The following CDKL4 variants were observed in gnomAD, a reference collection of about 807,000 sequenced individuals.
CDKL4 encodes cyclin-dependent kinase-like 4.
Under a neutral mutation model 42.0 loss-of-function variants are expected in CDKL4, and 44 were observed. The observed-to-expected ratio is 1.05, with a 90% CI of 0.82 to 1.35. The LOEUF (loss-of-function observed/expected upper bound fraction) is 1.35, where lower values mean the gene tolerates loss of function less well. Among genes scored for constraint, CDKL4 ranks in the 40% most tolerant of loss-of-function variants. The probability of loss-of-function intolerance (pLI) is 0.00; values close to 1 mark genes in which losing one functional copy is unlikely to be tolerated. For synonymous variants in CDKL4, 120 were observed against 121.6 expected, an observed-to-expected ratio of 0.99 and a Z score of 0.09; for missense variants, 393 against 369.9, an observed-to-expected ratio of 1.06 and a Z score of -0.51.
At chr2:39,177,855 A>C (rs1675233446) in intron 9 of CDKL4, among the ~76,000 whole-genome samples, 2 of 150,858 alleles carry the variant, frequency 1.3e-5, no homozygotes. Flanking sequence ...CACCCGGCTA[A>C]TTTTTGTATT....
chr2:39,239,050 C>T (rs1220558397), intron 1 of CDKL4, among the ~76,000 whole-genome samples: 1 of 152,196 alleles, frequency 6.6e-6, no homozygotes, highest in Non-Finnish European at 1.5e-5. Context: ...CTGCGCCTGG[C>T]CCAACTGACT....
chr2:39,215,696 TTA>T (rs887932280), intron 3 of CDKL4, among the ~76,000 whole-genome samples: 6 of 152,190 alleles, frequency 3.9e-5, no homozygotes, highest in Non-Finnish European at 8.8e-5. Flanking sequence ...CATGACTCAG[TTA>T]TGACACTAGC....
chr2:39,208,346 C>CTT (rs113655991), intron 4 of CDKL4, among the ~76,000 whole-genome samples: 9 of 144,556 alleles, frequency 6.2e-5, no homozygotes, highest in African/African-American at 1.5e-4. Context: ...TTATACACAG[C>CTT]TTTTTTTTTT....
At chr2:39,217,081 C>T (rs1026185558) in intron 3 of CDKL4, among the ~76,000 whole-genome samples, 13 of 152,278 alleles carry the variant, frequency 8.5e-5, no homozygotes, top group East Asian at 3.9e-4. Flanking sequence ...TACACATCGA[C>T]GCGGCGCCCA....
intron 5 of CDKL4, among the ~76,000 whole-genome samples, chr2:39,200,017 G>T (rs534865416): frequency 6.6e-6 from 1 of 152,178 alleles, no homozygotes; most frequent in East Asian, 1.9e-4. Flanking sequence ...AAAATAAAGG[G>T]CATCTAAATT....
chr2:39,211,845 G>A (rs1677603737), intron 4 of CDKL4, among the ~76,000 whole-genome samples: 1 of 152,120 alleles, frequency 6.6e-6, no homozygotes, highest in African/African-American at 2.4e-5. Context: ...AGTGGGACAA[G>A]TGGATGCTAT....
rs1157473639 is a variant in CDKL4 at position 39,229,347 on chromosome 2, T to C, written c.168+18A>G. ...ACTCAATTCCATGATATTTTACATATATATAAAGTTAACTTACCTTCAACA... is the reference window on the plus strand; with the variant it reads ...ACTCAATTCCATGATATTTTACATACATATAAAGTTAACTTACCTTCAACA... On this transcript the variant is annotated intron_variant, in intron 2 of 9. Coordinates refer to ENST00000451199, the Ensembl canonical transcript of CDKL4. The C allele has an allele frequency of 1.3e-6, 2 of 1,494,122 alleles. No individual in the cohort carries two copies. The highest frequency in any genetic ancestry group is 1.8e-6 in the Non-Finnish European group (2 of 1,097,634). 92.6% of individuals were successfully genotyped at this position (1,494,122 alleles called of 1,614,324 possible).
chr2:39,184,714 G>T, intron 7 of CDKL4, 67 bp from the exon 8 acceptor site: 1 of 1,029,110 alleles, frequency 9.7e-7, no homozygotes, highest in Non-Finnish European at 1.5e-6. Context: ...GTATATATGT[G>T]CGTATGTATG....
the CDKL4 span, among the ~76,000 whole-genome samples, chr2:39,169,103 T>C: frequency 3.9e-5 from 6 of 152,310 alleles, no homozygotes; most frequent in African/African-American, 1.2e-4. Flanking sequence ...GATATATCTG[T>C]AAAATTTAAT....
intron 2 of CDKL4, 148 bp downstream of exon 2, chr2:39,229,217 A>G (rs554775197): frequency 3.3e-6 from 2 of 612,484 alleles, no homozygotes. Flanking sequence ...CCGAAGTCCA[A>G]AGTGATAATC....
chr2:39,198,818 CTGGGATACAGCA>C (rs1572969912), intron 5 of CDKL4, among the ~76,000 whole-genome samples: 1 of 152,080 alleles, frequency 6.6e-6, no homozygotes, highest in African/African-American at 2.4e-5. Flanking sequence ...ATCAAAACCT[CTGGGATACAGCA>C]AAGGCAATGC....
At position 39,185,394 on chromosome 2, in the gene CDKL4, ATATACATATGTG is replaced by A. The variant is rs1675741354; in HGVS notation, c.736-759_736-748del. ...TATACATATGTATATATACATGTAT[ATATACATATGTG>A]TATATATACATATATATATACATAT... On this transcript the variant is annotated intron_variant, in intron 7 of 9. Transcript: ENST00000451199. Among the ~76,000 whole-genome samples the A allele has an allele frequency of 2.4e-5, 2 of 85,042 alleles. 1 individual carries two copies. The highest frequency in any genetic ancestry group is 4.4e-5 in the Non-Finnish European group (2 of 45,620). The allele number at this position is 85,042 out of a possible 152,430, so 55.8% of individuals were successfully genotyped here.
At chr2:39,233,251 C>T (rs1359277305) in intron 1 of CDKL4, among the ~76,000 whole-genome samples, 1 of 151,888 alleles carries the variant, frequency 6.6e-6, no homozygotes, top group Non-Finnish European at 1.5e-5. Flanking sequence ...AAAGAGAAAA[C>T]ACATCACAAG....
chr2:39,226,485 T>TATAATATATAG, intron 2 of CDKL4, among the ~76,000 whole-genome samples: 1 of 144,382 alleles, frequency 6.9e-6, no homozygotes, highest in Non-Finnish European at 1.5e-5. Flanking sequence ...ATAATATATA[T>TATAATATATAG]TATATATTTT....
chr2:39,226,163 C>T (rs10174296), intron 2 of CDKL4, among the ~76,000 whole-genome samples: 1,756 of 151,724 alleles, frequency 0.012, 22 homozygotes, highest in Non-Finnish European at 0.018. Flanking sequence ...ACAAAAAACA[C>T]TTTATGTATT....
At chr2:39,221,013 G>GTTTTTGT (rs373203432) in intron 3 of CDKL4, among the ~76,000 whole-genome samples, 1,324 of 73,316 alleles carry the variant, frequency 0.018, 39 homozygotes, top group Middle Eastern at 0.043. Context: ...TTTTTTTTTT[G>GTTTTTGT]TTTTGTTTTT....
chr2:39,173,177 T>C (rs574532021), downstream of CDKL4, among the ~76,000 whole-genome samples: 28 of 152,184 alleles, frequency 1.8e-4, no homozygotes, highest in Non-Finnish European at 3.2e-4. Flanking sequence ...TATGTGTGTA[T>C]ATATGGATAT....
chr2:39,217,332 G>C (rs954503672), intron 3 of CDKL4, among the ~76,000 whole-genome samples: 4 of 152,178 alleles, frequency 2.6e-5, no homozygotes, highest in African/African-American at 9.7e-5. Context: ...CACAGTTCAA[G>C]TCTGAATGGG....
chr2:39,213,480 A>G lies in CDKL4; in HGVS notation c.291-8T>C. ...ATCACTCCATCAGCAACTCTGAGGG[A>G]AAAAATAAAAAAGGAAATGAAAACT... On this transcript the variant is annotated splice_region_variant and splice_polypyrimidine_tract_variant and intron_variant, in intron 3 of 9. Transcript: ENST00000451199. The G allele has an allele frequency of 1.9e-6, 3 of 1,598,234 alleles. No individual in the cohort carries two copies. The highest frequency in any genetic ancestry group is 2.6e-6 in the Non-Finnish European group (3 of 1,166,332).
Sources: gnomAD v4.1 joint callset for allele counts (sites outside exome capture counted in the v4.1 genomes callset) on GRCh38, gnomAD v4.1.1 for gene constraint, MANE v1.5 for transcripts, NCBI Gene and HGNC (gene_info 2026-07-23, HGNC 2026-07-21) for gene names.